The following ZRANB3 variants were observed in gnomAD, a reference collection of about 807,000 sequenced individuals.
ZRANB3 encodes zinc finger RANBP2-type containing 3.
In ZRANB3, 125 loss-of-function variants were observed where a neutral mutation model predicts 133.8. The ratio of observed to expected loss-of-function variants is 0.93; its 90% confidence interval spans 0.81 to 1.08. ZRANB3 has a LOEUF of 1.08. Ranked by LOEUF, ZRANB3 falls within the 50% of genes least tolerant of loss-of-function variation. The pLI, the probability that ZRANB3 is intolerant of heterozygous loss-of-function variation, is 0.00. For synonymous variants in ZRANB3, 387 were observed against 432.7 expected (o/e 0.89, Z 1.31); for missense variants, 1,229 against 1,275.5 (o/e 0.96, Z 0.56).
Position 135,274,941 on chromosome 2 carries a change from G to A in ZRANB3, c.1086+695C>T, listed in dbSNP as rs558117517. 1.5e-4 allele frequency among the ~76,000 whole-genome samples: 23 copies of A among 152,218 alleles called. No individual in the cohort carries two copies. In the East Asian group the frequency reaches 4.4e-3, roughly 29 times the overall value. On this transcript the variant is annotated intron_variant, in intron 9 of 20. Transcript: ENST00000264159. ...ATGTTTCAGAGAGCACGGGGTTGGG[G>A]GTAAGGTTATAGATTAACAGCATTC...
Position 135,513,258 on chromosome 2 carries a change from C to A in ZRANB3, c.-7-8762G>T, listed in dbSNP as rs1450479899. 2.0e-5 allele frequency among the ~76,000 whole-genome samples: 3 copies of A among 152,208 alleles called. No individual in the cohort carries two copies. The East Asian group carries it at 5.8e-4, about 29-fold the overall frequency. ...TGCAAGGAACCCAGAATAGCCAAAACAATCTTGAAAATGAACAAAGCTAGA... is the reference window on the plus strand; with the variant it reads ...TGCAAGGAACCCAGAATAGCCAAAAAAATCTTGAAAATGAACAAAGCTAGA... On this transcript the variant is annotated intron_variant, in intron 1 of 20. Coordinates refer to ENST00000264159, the MANE Select transcript of ZRANB3 (RefSeq NM_032143.4).
chr2:135,447,607 G>C (rs1690079961), intron 2 of ZRANB3, among the ~76,000 whole-genome samples: 2 of 152,086 alleles, frequency 1.3e-5, no homozygotes, highest in Admixed American at 1.3e-4. Flanking sequence ...ATGAAGGGGT[G>C]GACTTATAAT....
chr2:135,289,608 A>G (rs1166401120), intron 8 of ZRANB3, among the ~76,000 whole-genome samples: 1 of 152,132 alleles, frequency 6.6e-6, no homozygotes, highest in Non-Finnish European at 1.5e-5. Context: ...ACTTGATACA[A>G]TGTGATTTTT....
chr2:135,376,347 A>G (rs1049311470), intron 3 of ZRANB3, among the ~76,000 whole-genome samples: 1 of 152,212 alleles, frequency 6.6e-6, no homozygotes, highest in Non-Finnish European at 1.5e-5. Context: ...TAGCAGTTTC[A>G]CACTCCTAGA....
intron 1 of ZRANB3, among the ~76,000 whole-genome samples, chr2:135,507,927 G>A (rs1423445268): frequency 6.6e-6 from 1 of 151,160 alleles, no homozygotes; most frequent in Non-Finnish European, 1.5e-5. Flanking sequence ...ATGACAGAGC[G>A]AGACTCTATC....
chr2:135,212,037 AAG>A (rs1259604072), intron 17 of ZRANB3, among the ~76,000 whole-genome samples: 2 of 152,190 alleles, frequency 1.3e-5, no homozygotes, highest in African/African-American at 4.8e-5. Context: ...TGTCATTTTT[AAG>A]AGTCTCTGCT....
chr2:135,453,768 T>A (rs1690377171), intron 2 of ZRANB3, among the ~76,000 whole-genome samples: 1 of 152,242 alleles, frequency 6.6e-6, no homozygotes. Context: ...TCTAGGAGGT[T>A]CCAAACTTTC....
intron 9 of ZRANB3, among the ~76,000 whole-genome samples, 188 bp downstream of exon 9, chr2:135,275,448 G>A (rs1157976393): frequency 6.6e-6 from 1 of 152,036 alleles, no homozygotes; most frequent in African/African-American, 2.4e-5. Flanking sequence ...GTTAAGAAAA[G>A]AGAAAATTTA....
At chr2:135,490,547 G>C (rs748226347) in intron 2 of ZRANB3, among the ~76,000 whole-genome samples, 7 of 152,178 alleles carry the variant, frequency 4.6e-5, no homozygotes, top group Non-Finnish European at 8.8e-5. Context: ...ACTGTTGGTA[G>C]GAATGTAAAT....
chr2:135,505,655 T>C (rs1693145534), intron 1 of ZRANB3, among the ~76,000 whole-genome samples: 1 of 152,020 alleles, frequency 6.6e-6, no homozygotes, highest in Admixed American at 6.6e-5. Context: ...TCCAAAAAAG[T>C]AACCAACTTC....
chr2:135,456,314 AT>A (rs1313730812), intron 2 of ZRANB3, among the ~76,000 whole-genome samples: 2 of 152,358 alleles, frequency 1.3e-5, no homozygotes, highest in East Asian at 3.9e-4. Context: ...TAGGTTCTCC[AT>A]CTAGCTGGCA....
intron 3 of ZRANB3, among the ~76,000 whole-genome samples, chr2:135,361,191 TC>T (rs1376072948): frequency 1.3e-5 from 2 of 152,234 alleles, no homozygotes; most frequent in Non-Finnish European, 2.9e-5. Flanking sequence ...AACATGTGGT[TC>T]AAAGCCCTGG....
chr2:135,234,530 T>C (rs984896076), intron 12 of ZRANB3, among the ~76,000 whole-genome samples: 6 of 152,288 alleles, frequency 3.9e-5, no homozygotes, highest in Non-Finnish European at 8.8e-5. Context: ...ATTGACCACA[T>C]AGTTGGAAGT....
chr2:135,219,221 A>G, intron 15 of ZRANB3, 43 bp from the exon 16 acceptor site: 1 of 1,204,078 alleles, frequency 8.3e-7, no homozygotes, highest in South Asian at 1.6e-5. Context: ...ATTTTTGTAT[A>G]GGCACTAGTA....
intron 2 of ZRANB3, among the ~76,000 whole-genome samples, chr2:135,482,699 T>G: frequency 6.6e-6 from 1 of 152,218 alleles, no homozygotes; most frequent in Non-Finnish European, 1.5e-5. Flanking sequence ...TGTGCCAGTT[T>G]TCAAAGGGAA....
chr2:135,407,823 C>A (rs2104949415), intron 2 of ZRANB3, among the ~76,000 whole-genome samples: 5 of 132,618 alleles, frequency 3.8e-5, no homozygotes. Flanking sequence ...AAAATTAATT[C>A]AAGATGGATT....
chr2:135,210,059 T>C (rs1694033249), intron 17 of ZRANB3, among the ~76,000 whole-genome samples: 2 of 152,162 alleles, frequency 1.3e-5, no homozygotes, highest in Non-Finnish European at 2.9e-5. Flanking sequence ...TCCCCAAAAG[T>C]TACCTCTGTT....
chr2:135,331,207 A>C (rs761312009), intron 6 of ZRANB3, among the ~76,000 whole-genome samples: 4 of 152,172 alleles, frequency 2.6e-5, no homozygotes, highest in African/African-American at 4.8e-5. Context: ...TTAGTGCTAT[A>C]AATTTCCCTC....
intron 19 of ZRANB3, among the ~76,000 whole-genome samples, chr2:135,206,342 C>T (rs920757309): frequency 1.3e-5 from 2 of 151,566 alleles, no homozygotes; most frequent in East Asian, 1.9e-4. Context: ...CAGGTTCAAG[C>T]GATTCTTCTG....
Sources: allele counts gnomAD v4.1 joint callset (sites outside exome capture counted in the v4.1 genomes callset), GRCh38; gene constraint gnomAD v4.1.1; transcripts MANE v1.5; gene names NCBI Gene and HGNC (gene_info 2026-07-23, HGNC 2026-07-21).